Variants in SOX5 observed in about 807,000 individuals in gnomAD.
The protein encoded by SOX5 is SRY-box transcription factor 5.
In SOX5, 9 loss-of-function variants were observed where a neutral mutation model predicts 92.0. The observed-to-expected ratio is 0.10, with a 90% CI of 0.06 to 0.17. SOX5 has a LOEUF of 0.17. Ranked by LOEUF, SOX5 falls within the 10% of genes least tolerant of loss-of-function variation. The pLI, the probability that SOX5 is intolerant of heterozygous loss-of-function variation, is 1.00. For synonymous variants in SOX5, 344 were observed against 336.3 expected (o/e 1.02, Z -0.25); for missense variants, 642 against 944.5 (o/e 0.68, Z 4.20).
intron 1 of SOX5, among the ~76,000 whole-genome samples, chr12:24,484,856 G>A (rs1294490583): frequency 6.6e-6 from 1 of 151,984 alleles, no homozygotes; most frequent in South Asian, 2.1e-4. Flanking sequence ...TAAATCTGGA[G>A]GTAGAAATAA....
intron 4 of SOX5, among the ~76,000 whole-genome samples, chr12:24,068,742 A>G (rs1941286757): frequency 3.4e-5 from 3 of 88,850 alleles, no homozygotes; most frequent in Non-Finnish European, 7.2e-5. Flanking sequence ...ATATATATAT[A>G]TATATACACA....
chr12:24,394,868 T>C (rs996660940), intron 1 of SOX5, among the ~76,000 whole-genome samples: 10 of 152,250 alleles, frequency 6.6e-5, no homozygotes, highest in African/African-American at 2.2e-4. Flanking sequence ...TTATTCTTAT[T>C]GGCTTTTGGC....
At chr12:23,676,913 G>A (rs1322658564) in intron 6 of SOX5, among the ~76,000 whole-genome samples, 1 of 152,140 alleles carries the variant, frequency 6.6e-6, no homozygotes, top group Non-Finnish European at 1.5e-5. Flanking sequence ...TAAGGGCATA[G>A]CTAACTCATA....
intron 2 of SOX5, among the ~76,000 whole-genome samples, chr12:24,310,643 G>A (rs1423423795): frequency 2.0e-5 from 3 of 151,960 alleles, no homozygotes; most frequent in Non-Finnish European, 4.4e-5. Flanking sequence ...GGAAAAACAA[G>A]AAAAAATAAT....
intron 4 of SOX5, among the ~76,000 whole-genome samples, chr12:23,960,751 T>C (rs1035555533): frequency 7.2e-5 from 11 of 151,728 alleles, no homozygotes; most frequent in African/African-American, 2.7e-4. Context: ...ATTCATATAG[T>C]ACAAAATGTG....
chr12:23,594,109 G>A (rs1951992257), intron 9 of SOX5, among the ~76,000 whole-genome samples: 1 of 151,930 alleles, frequency 6.6e-6, no homozygotes, highest in Non-Finnish European at 1.5e-5. Context: ...AGTTGACTTT[G>A]TAACTTGCTT....
At chr12:24,135,669 G>C (rs996888213) in intron 4 of SOX5, among the ~76,000 whole-genome samples, 3 of 152,290 alleles carry the variant, frequency 2.0e-5, no homozygotes. Context: ...AAGCACTCTG[G>C]ATGTTCAGAG....
chr12:24,354,697 AG>A (rs1230722783), intron 2 of SOX5, among the ~76,000 whole-genome samples: 3 of 152,242 alleles, frequency 2.0e-5, no homozygotes, highest in African/African-American at 7.2e-5. Context: ...GATAAATGAT[AG>A]GAAAGGTGAC....
intron 4 of SOX5, among the ~76,000 whole-genome samples, chr12:24,070,684 A>T (rs1941630148): frequency 6.6e-6 from 1 of 152,228 alleles, no homozygotes; most frequent in Non-Finnish European, 1.5e-5. Context: ...TAAAAATGTA[A>T]TATGGTATTT....
Position 24,267,422 on chromosome 12 carries a change from A to C in SOX5, c.-77+9794T>G, listed in dbSNP as rs1943160953. Among the ~76,000 whole-genome samples, 7 of 152,324 alleles carry C rather than the reference A, an allele frequency of 4.6e-5. No individual in the cohort carries two copies. The South Asian group carries it at 1.4e-3, about 32-fold the overall frequency. On this transcript the variant is annotated intron_variant, in intron 3 of 4. Coordinates refer to the SOX5 transcript ENST00000446891. The stretch of plus-strand genomic sequence containing the variant: ...AGATATGAGCATTATGTAAGAAAAT[A>C]AAAAACACAATTCATAATTATGAAT...
intron 4 of SOX5, among the ~76,000 whole-genome samples, chr12:24,192,193 G>T (rs1349974290): frequency 1.3e-5 from 2 of 152,196 alleles, no homozygotes; most frequent in Non-Finnish European, 2.9e-5. Context: ...GATAGAGTTT[G>T]TATGAGCCAG....
intron 7 of SOX5, among the ~76,000 whole-genome samples, chr12:23,643,315 G>A (rs2080368700): frequency 6.6e-6 from 1 of 152,174 alleles, no homozygotes; most frequent in Admixed American, 6.5e-5. Context: ...CAGATTAGAA[G>A]CAAGACTGCC....
chr12:24,208,985 GGAGAA>G (rs547982041), intron 4 of SOX5, among the ~76,000 whole-genome samples: 1 of 152,220 alleles, frequency 6.6e-6, no homozygotes, highest in East Asian at 1.9e-4. Flanking sequence ...GGATTGAGGA[GGAGAA>G]AAGAAAATGA....
intron 4 of SOX5, among the ~76,000 whole-genome samples, chr12:24,032,250 G>C (rs561071195): frequency 6.6e-6 from 1 of 150,968 alleles, no homozygotes; most frequent in East Asian, 1.9e-4. Context: ...GGCAGCACAA[G>C]AATAACATAA....
At chr12:24,465,117 C>A (rs1944083623) in intron 1 of SOX5, among the ~76,000 whole-genome samples, 1 of 152,200 alleles carries the variant, frequency 6.6e-6, no homozygotes, top group Non-Finnish European at 1.5e-5. Flanking sequence ...TCATGTTACA[C>A]AACTCTGTGA....
intron 3 of SOX5, among the ~76,000 whole-genome samples, chr12:24,275,746 T>C (rs1944364470): frequency 6.6e-6 from 1 of 152,200 alleles, no homozygotes; most frequent in Non-Finnish European, 1.5e-5. Context: ...GAATGTTACA[T>C]AGAATGCTTT....
intron 6 of SOX5, among the ~76,000 whole-genome samples, chr12:23,670,224 T>A (rs1313898183): frequency 6.6e-6 from 1 of 152,140 alleles, no homozygotes; most frequent in Admixed American, 6.6e-5. Context: ...TGGGAATGAT[T>A]AGAAGCTGAA....
chr12:23,655,954 A>C (rs2082253190), intron 7 of SOX5, among the ~76,000 whole-genome samples: 1 of 152,116 alleles, frequency 6.6e-6, no homozygotes, highest in African/African-American at 2.4e-5. Flanking sequence ...ATATTTAATG[A>C]ATCATAATGA....
chr12:23,888,653 A>G (rs1201670968), intron 2 of SOX5, among the ~76,000 whole-genome samples: 1 of 152,160 alleles, frequency 6.6e-6, no homozygotes, highest in East Asian at 1.9e-4. Flanking sequence ...TGTTTTTCAC[A>G]CGTCCCCATT....
Sources: allele counts gnomAD v4.1 joint callset (sites outside exome capture counted in the v4.1 genomes callset), GRCh38; gene constraint gnomAD v4.1.1; transcripts MANE v1.5; gene names NCBI Gene and HGNC (gene_info 2026-07-23, HGNC 2026-07-21).